Variants in OMA1 observed in about 807,000 individuals in gnomAD.
OMA1 encodes metalloendopeptidase OMA1, mitochondrial.
In OMA1, 38 loss-of-function variants were observed where a neutral mutation model predicts 30.9. The ratio of observed to expected loss-of-function variants is 1.23; its 90% confidence interval spans 0.95 to 1.61. The LOEUF is 1.61. Ranked by LOEUF, OMA1 falls within the 40% of genes most tolerant of loss-of-function variation. The pLI is 0.00. For missense variants in OMA1, 461 were observed against 349.2 expected (o/e 1.32, Z -2.55); for synonymous variants, 173 against 121.9 (o/e 1.42, Z -2.76).
At chr1:58,509,141 A>G (rs1646034542) in intron 7 of OMA1, among the ~76,000 whole-genome samples, 1 of 150,718 alleles carries the variant, frequency 6.6e-6, no homozygotes, top group Admixed American at 6.6e-5. Flanking sequence ...ATGTGTAGAT[A>G]TCAACAATAA....
chr1:58,499,697 T>C (rs1446749456), intron 8 of OMA1, among the ~76,000 whole-genome samples: 1 of 152,144 alleles, frequency 6.6e-6, no homozygotes, highest in African/African-American at 2.4e-5. Context: ...AATATCTTAG[T>C]TGGTTTGATT....
At chr1:58,527,523 A>C (rs1302432777) in intron 6 of OMA1, among the ~76,000 whole-genome samples, 188 bp from the exon 7 acceptor site, 4 of 152,196 alleles carry the variant, frequency 2.6e-5, no homozygotes, top group African/African-American at 9.6e-5. Context: ...GATTAGAAAT[A>C]CTTTAAAAAA....
intron 8 of OMA1, among the ~76,000 whole-genome samples, chr1:58,489,687 C>G (rs895937945): frequency 6.6e-6 from 1 of 152,184 alleles, no homozygotes; most frequent in African/African-American, 2.4e-5. Flanking sequence ...CTGGGAGGCA[C>G]CCCCCAGTAG....
chr1:58,542,173 G>A (rs1646633320), intron 1 of OMA1, among the ~76,000 whole-genome samples: 1 of 152,112 alleles, frequency 6.6e-6, no homozygotes, highest in Non-Finnish European at 1.5e-5. Flanking sequence ...AACCCTTTTT[G>A]AAATACAACC....
intron 8 of OMA1, among the ~76,000 whole-genome samples, chr1:58,485,689 TA>T (rs1645565109): frequency 6.6e-6 from 1 of 152,150 alleles, no homozygotes; most frequent in Non-Finnish European, 1.5e-5. Context: ...TCTATCTTAT[TA>T]AATATATCTT....
intron 8 of OMA1, among the ~76,000 whole-genome samples, chr1:58,500,353 C>T (rs1045902629): frequency 6.6e-6 from 1 of 152,124 alleles, no homozygotes; most frequent in Non-Finnish European, 1.5e-5. Context: ...TGTTTGTGTA[C>T]ACTGGCCAAC....
intron 8 of OMA1, among the ~76,000 whole-genome samples, chr1:58,492,415 C>A (rs530212149): frequency 1.5e-4 from 22 of 151,296 alleles, no homozygotes; most frequent in Admixed American, 7.2e-4. Flanking sequence ...TAACTAAGAT[C>A]AGAGCAGAAC....
chr1:58,539,388 G>A (rs1646568295), intron 1 of OMA1, 78 bp from the exon 2 acceptor site: 1 of 669,946 alleles, frequency 1.5e-6, no homozygotes, highest in South Asian at 2.0e-5. Flanking sequence ...TTATTAAATA[G>A]GCGTGTCAGT....
intron 7 of OMA1, among the ~76,000 whole-genome samples, chr1:58,520,153 C>G (rs1646239807): frequency 1.3e-5 from 2 of 152,132 alleles, no homozygotes; most frequent in South Asian, 4.1e-4. Flanking sequence ...GTACCATGCT[C>G]ACTACCTCGG....
In OMA1 at chr1:58,539,305, G is replaced by C. The variant is rs1030932941; in HGVS notation, c.-11C>G. The C allele has an allele frequency of 4.9e-6, 4 of 809,560 alleles. No individual in the cohort carries two copies. Among genetic ancestry groups the C allele is most frequent in the South Asian group, 4.5e-5 (3 of 66,120 alleles). The allele number at this position is 809,560 out of a possible 1,614,324, so 50.1% of individuals were successfully genotyped here. On this transcript the variant is annotated 5_prime_UTR_variant, in exon 2 of 9. Coordinates refer to ENST00000371226, the MANE Select transcript of OMA1 (RefSeq NM_145243.5). ...ACAGATGAAGCTCATTTTTTCACTT[G>C]ACTACCTGAAACAAAAAAAAAACTA...
intron 8 of OMA1, among the ~76,000 whole-genome samples, chr1:58,490,795 C>CTTTTTTTTTTTTTT (rs148145860): frequency 1.7e-5 from 1 of 59,244 alleles, no homozygotes; most frequent in African/African-American, 6.4e-5. Flanking sequence ...AGTCAACATT[C>CTTTTTTTTTTTTTT]TTTTTTTTTT....
At chr1:58,509,454 A>G (rs371210874) in intron 7 of OMA1, among the ~76,000 whole-genome samples, 68 of 152,038 alleles carry the variant, frequency 4.5e-4, no homozygotes, top group African/African-American at 1.6e-3. Context: ...ACAAATGAAA[A>G]TGAAAACACA....
At chr1:58,484,131 T>C (rs1247659599) in intron 8 of OMA1, among the ~76,000 whole-genome samples, 1 of 152,222 alleles carries the variant, frequency 6.6e-6, no homozygotes, top group African/African-American at 2.4e-5. Flanking sequence ...CCACAGTGAG[T>C]AAGGTGCTAG....
At chr1:58,492,697 T>G (rs1424681268) in intron 8 of OMA1, among the ~76,000 whole-genome samples, 1 of 151,970 alleles carries the variant, frequency 6.6e-6, no homozygotes, top group Non-Finnish European at 1.5e-5. Flanking sequence ...ACACATACAG[T>G]CTCCCAAGAC....
At chr1:58,510,757 TAATA>T (rs1006855382) in intron 7 of OMA1, among the ~76,000 whole-genome samples, 3 of 152,090 alleles carry the variant, frequency 2.0e-5, no homozygotes, top group African/African-American at 7.2e-5. Flanking sequence ...CTGCTAGAAC[TAATA>T]AATAAATTCA....
chr1:58,489,113 C>T (rs918920841), intron 8 of OMA1, among the ~76,000 whole-genome samples: 4 of 152,180 alleles, frequency 2.6e-5, no homozygotes, highest in African/African-American at 4.8e-5. Context: ...GTCGGTGCAG[C>T]GCACCGAGCG....
chr1:58,520,031 G>A (rs7355165), intron 7 of OMA1, among the ~76,000 whole-genome samples: 1 of 151,886 alleles, frequency 6.6e-6, no homozygotes, highest in African/African-American at 2.4e-5. Context: ...CACTCATAAG[G>A]GGGAGCTAAA....
chr1:58,498,516 T>C lies in OMA1; in HGVS notation c.1365+7544A>G, dbSNP rs17117589. 7.6e-3 allele frequency among the ~76,000 whole-genome samples: 1,151 copies of C among 152,242 alleles called. 7 individuals are homozygous for C. Among genetic ancestry groups the C allele is most frequent in the African/African-American group, 0.02 (813 of 41,552 alleles). ...CCTAATCCAAAGACTCACTATGCAA[T>C]AGATTTAACAGAAATTAGAGAGAAT... On this transcript the variant is annotated intron_variant, in intron 8 of 8. Transcript: ENST00000371226.
At chr1:58,545,269 G>A (rs1286543942) in intron 1 of OMA1, among the ~76,000 whole-genome samples, 2 of 152,136 alleles carry the variant, frequency 1.3e-5, no homozygotes, top group Admixed American at 1.3e-4. Context: ...CTCATGACTT[G>A]TGTAAAAATT....
Sources: allele counts gnomAD v4.1 joint callset (sites outside exome capture counted in the v4.1 genomes callset), GRCh38; gene constraint gnomAD v4.1.1; transcripts MANE v1.5; gene names NCBI Gene and HGNC (gene_info 2026-07-23, HGNC 2026-07-21).